The following PCNX2 variants were observed in gnomAD, a reference collection of about 807,000 sequenced individuals.
The protein encoded by PCNX2 is pecanex-like protein 2.
In PCNX2, 168 loss-of-function variants were observed where a neutral mutation model predicts 223.8. The ratio of observed to expected loss-of-function variants is 0.75; its 90% CI spans 0.66 to 0.85. The LOEUF (loss-of-function observed/expected upper bound fraction) is 0.85, where lower values mean the gene tolerates loss of function less well. Among genes scored for constraint, PCNX2 ranks in the 40% least tolerant of loss-of-function variants. PCNX2 has a pLI of 0.00. For missense variants in PCNX2, 2,507 were observed against 2,675.5 expected (o/e 0.94, Z 1.39); for synonymous variants, 1,006 against 1,052.6 (o/e 0.96, Z 0.86).
intron 17 of PCNX2, among the ~76,000 whole-genome samples, chr1:233,173,120 G>A (rs1177255393): frequency 6.6e-6 from 1 of 150,674 alleles, no homozygotes; most frequent in East Asian, 1.9e-4. Flanking sequence ...CCCATTCTCT[G>A]ATCTTGGATA....
At chr1:233,016,774 T>A (rs1448856959) in intron 27 of PCNX2, 147 bp downstream of exon 27, 1 of 1,416,918 alleles carries the variant, frequency 7.1e-7, no homozygotes, top group Non-Finnish European at 9.2e-7. Flanking sequence ...TTTGCTTACC[T>A]TCAATAAACA....
At chr1:233,053,775 T>C (rs1672091334) in intron 25 of PCNX2, among the ~76,000 whole-genome samples, 1 of 152,240 alleles carries the variant, frequency 6.6e-6, no homozygotes, top group Non-Finnish European at 1.5e-5. Flanking sequence ...TGAGGATTCA[T>C]GAAGTGCCTT....
intron 23 of PCNX2, 74 bp from the exon 24 acceptor site, chr1:233,057,364 G>C: frequency 8.5e-7 from 1 of 1,176,370 alleles, no homozygotes; most frequent in Non-Finnish European, 1.2e-6. Flanking sequence ...TATAGAACCA[G>C]CTGCATGAGT....
chr1:233,199,054 C>A (rs765316634), intron 14 of PCNX2, 24 bp from the exon 15 acceptor site: 16 of 1,524,338 alleles, frequency 1.0e-5, no homozygotes, highest in Non-Finnish European at 1.4e-5. Context: ...ATCAACAGTT[C>A]TTTTCTAGAC....
At chr1:233,195,527 A>T (rs1177157850) in intron 15 of PCNX2, among the ~76,000 whole-genome samples, 1 of 152,260 alleles carries the variant, frequency 6.6e-6, no homozygotes, top group Non-Finnish European at 1.5e-5. Context: ...GTTTATTGAT[A>T]GACATGACAA....
chr1:233,211,736 C>A (rs1681829375), intron 12 of PCNX2: 1 of 980,002 alleles, frequency 1.0e-6, no homozygotes. Flanking sequence ...CTGGATTCTC[C>A]AGACCCAAGG....
intron 25 of PCNX2, among the ~76,000 whole-genome samples, chr1:233,044,069 G>A (rs1303505159): frequency 6.6e-6 from 1 of 151,792 alleles, no homozygotes; most frequent in Non-Finnish European, 1.5e-5. Flanking sequence ...TCCAGCACCT[G>A]TTGTTTCCTG....
intron 23 of PCNX2, among the ~76,000 whole-genome samples, chr1:233,081,008 A>T (rs576408820): frequency 1.6e-4 from 24 of 152,324 alleles, no homozygotes; most frequent in Non-Finnish European, 2.8e-4. Flanking sequence ...AATCAAGGGC[A>T]GGTCATAGCC....
At chr1:233,319,741 A>C in the PCNX2 span, among the ~76,000 whole-genome samples, 1 of 152,368 alleles carries the variant, frequency 6.6e-6, no homozygotes, top group East Asian at 1.9e-4. Context: ...TAATGTGCTT[A>C]AAAATTATTA....
At chr1:233,217,808 C>T in intron 12 of PCNX2, 91 bp downstream of exon 12, 2 of 1,406,200 alleles carry the variant, frequency 1.4e-6, no homozygotes, top group Non-Finnish European at 2.0e-6. Context: ...GAGCTAGGTA[C>T]AGACTTGGCC....
At chr1:232,992,662 C>G (rs79348697) in intron 32 of PCNX2, among the ~76,000 whole-genome samples, 3 of 152,184 alleles carry the variant, frequency 2.0e-5, no homozygotes, top group Non-Finnish European at 4.4e-5. Context: ...CTGGGTGACA[C>G]TGGGCAGTGA....
intron 23 of PCNX2, among the ~76,000 whole-genome samples, chr1:233,081,954 C>T (rs558958658): frequency 7.9e-5 from 12 of 152,064 alleles, no homozygotes; most frequent in Middle Eastern, 6.8e-3. Flanking sequence ...CCTTTTAAGG[C>T]TCTCATGGGC....
At chr1:233,260,442 T>C (rs1659985865) in intron 4 of PCNX2, among the ~76,000 whole-genome samples, 1 of 152,192 alleles carries the variant, frequency 6.6e-6, no homozygotes, top group African/African-American at 2.4e-5. Context: ...TATGTGTATA[T>C]AAAACACATA....
chr1:233,205,081 C>A (rs1681364438), intron 13 of PCNX2, among the ~76,000 whole-genome samples: 2 of 152,144 alleles, frequency 1.3e-5, no homozygotes, highest in African/African-American at 4.8e-5. Flanking sequence ...CACCTCACAT[C>A]CCAATGCCAT....
chr1:233,263,373 G>A (rs1343053764), intron 1 of PCNX2, among the ~76,000 whole-genome samples: 1 of 151,586 alleles, frequency 6.6e-6, no homozygotes, highest in Non-Finnish European at 1.5e-5. Context: ...AGGTTCTGTA[G>A]TAGTTGCACT....
intron 19 of PCNX2, among the ~76,000 whole-genome samples, chr1:233,157,791 G>C (rs1571988056): frequency 6.6e-6 from 1 of 152,164 alleles, no homozygotes; most frequent in South Asian, 2.1e-4. Context: ...TGTGTCTGTG[G>C]GTTTTCCTTC....
intron 21 of PCNX2, among the ~76,000 whole-genome samples, chr1:233,129,388 C>G (rs1020087274): frequency 2.6e-5 from 4 of 152,226 alleles, no homozygotes; most frequent in African/African-American, 9.6e-5. Context: ...TAAGCTTCCC[C>G]CACCCCGCCC....
chr1:233,024,383 A>C (rs1288511803), intron 26 of PCNX2, among the ~76,000 whole-genome samples: 1 of 152,144 alleles, frequency 6.6e-6, no homozygotes, highest in Non-Finnish European at 1.5e-5. Context: ...GAACAGCATT[A>C]AGAGGTGACG....
At chr1:233,211,692 C>T in intron 12 of PCNX2, 1 of 867,940 alleles carries the variant, frequency 1.2e-6, no homozygotes, top group Non-Finnish European at 1.4e-6. Context: ...TGCCTGGCTT[C>T]CTCTACCAAC....
Sources: gnomAD v4.1 joint callset for allele counts (sites outside exome capture counted in the v4.1 genomes callset) on GRCh38, gnomAD v4.1.1 for gene constraint, MANE v1.5 for transcripts, NCBI Gene and HGNC (gene_info 2026-07-23, HGNC 2026-07-21) for gene names.